TMEM232: variants seen among roughly 807,000 people sequenced by gnomAD.
TMEM232 encodes the protein transmembrane protein 232.
Under a neutral mutation model 78.8 loss-of-function variants are expected in TMEM232, and 80 were observed. The observed-to-expected ratio is 1.01, with a 90% confidence interval of 0.85 to 1.22. The LOEUF (loss-of-function observed/expected upper bound fraction) is 1.22, where lower values mean the gene tolerates loss of function less well. TMEM232 is among the 50% of genes most tolerant of loss of function. The pLI is 0.00. For synonymous variants in TMEM232, 297 were observed against 254.3 expected (o/e 1.17, Z -1.60); for missense variants, 881 against 742.2 (o/e 1.19, Z -2.17).
intron 4 of TMEM232, among the ~76,000 whole-genome samples, chr5:110,388,288 G>GA (rs1444750594): frequency 8.6e-4 from 131 of 152,214 alleles, no homozygotes; most frequent in Non-Finnish European, 1.2e-3. Flanking sequence ...CACTTGGCCA[G>GA]CACCATCTTG....
intron 12 of TMEM232, among the ~76,000 whole-genome samples, chr5:110,471,181 G>C (rs942688504): frequency 1.3e-5 from 2 of 152,052 alleles, no homozygotes; most frequent in African/African-American, 4.8e-5. Flanking sequence ...TTGAAGACTG[G>C]TCATTTGAAA....
At chr5:110,551,161 ATG>A (rs1196107539) in intron 11 of TMEM232, among the ~76,000 whole-genome samples, 1 of 152,218 alleles carries the variant, frequency 6.6e-6, no homozygotes, top group South Asian at 2.1e-4. Context: ...ACTCAGTGAA[ATG>A]TGTTTTTCAA....
At chr5:110,589,904 T>C (rs1191742316) in intron 10 of TMEM232, among the ~76,000 whole-genome samples, 2 of 152,150 alleles carry the variant, frequency 1.3e-5, no homozygotes, top group African/African-American at 4.8e-5. Context: ...TCCCTCATAG[T>C]TTTTCAGCTC....
intron 2 of TMEM232, among the ~76,000 whole-genome samples, chr5:110,654,479 T>G (rs1157567754): frequency 6.6e-6 from 1 of 152,210 alleles, no homozygotes; most frequent in African/African-American, 2.4e-5. Flanking sequence ...GTGCTATTTC[T>G]GAGGGCTCTG....
At chr5:110,738,286 C>A, upstream of TMEM232, 2 of 1,264,956 alleles carry the variant, frequency 1.6e-6, no homozygotes, top group African/African-American at 1.5e-5. Flanking sequence ...CTCAGTTATT[C>A]AATTAGAGGT....
intron 1 of TMEM232, among the ~76,000 whole-genome samples, chr5:110,713,726 AG>A (rs553014614): frequency 9.7e-4 from 148 of 152,172 alleles, no homozygotes; most frequent in African/African-American, 3.4e-3. Flanking sequence ...GAAAAAAGAC[AG>A]CTTTATCTTC....
intron 11 of TMEM232, among the ~76,000 whole-genome samples, chr5:110,564,755 G>A (rs1194837413): frequency 6.6e-6 from 1 of 151,954 alleles, no homozygotes; most frequent in Non-Finnish European, 1.5e-5. Flanking sequence ...TCTTCAGGTT[G>A]CTTAGTCAGG....
At chr5:110,451,741 A>G (rs1760305207) in intron 12 of TMEM232, among the ~76,000 whole-genome samples, 1 of 152,114 alleles carries the variant, frequency 6.6e-6, no homozygotes, top group South Asian at 2.1e-4. Context: ...AAAAACTCTT[A>G]TAGCCCTTTA....
chr5:110,416,871 C>CTATT (rs1429027210), downstream of TMEM232, among the ~76,000 whole-genome samples: 1 of 152,140 alleles, frequency 6.6e-6, no homozygotes, highest in Admixed American at 6.5e-5. Flanking sequence ...CCTTAAATGT[C>CTATT]TATTTGGTAT....
intron 2 of TMEM232, among the ~76,000 whole-genome samples, chr5:110,665,912 A>AC (rs1580576912): frequency 6.7e-6 from 1 of 149,080 alleles, no homozygotes; most frequent in East Asian, 2.0e-4. Context: ...AAAAAAAAAA[A>AC]CTAAAAATTA....
Position 110,460,564 on chromosome 5 carries a change from C to T in TMEM232, c.1704-35648G>A, listed in dbSNP as rs114046475. Among the ~76,000 whole-genome samples, 492 of 151,974 alleles carry T rather than the reference C, an allele frequency of 3.2e-3. 3 individuals carry two copies. The highest frequency in any genetic ancestry group is 0.011 in the African/African-American group (454 of 41,452). ...CAATTTTGGGACACTAAAAATATTGCCTTTAAGTATAATTTGCCACTTCAA... is the reference window on the plus strand; with the variant it reads ...CAATTTTGGGACACTAAAAATATTGTCTTTAAGTATAATTTGCCACTTCAA... On this transcript the variant is annotated intron_variant, in intron 12 of 13. Coordinates refer to ENST00000455884, the MANE Select transcript of TMEM232 (RefSeq NM_001039763.4).
chr5:110,737,653 T>C (rs1025133581), intron 1 of TMEM232, among the ~76,000 whole-genome samples: 2 of 152,228 alleles, frequency 1.3e-5, no homozygotes, highest in African/African-American at 2.4e-5. Context: ...CTTCCTTTTT[T>C]TGTATGAATT....
At chr5:110,695,743 C>T (rs188712347) in intron 1 of TMEM232, among the ~76,000 whole-genome samples, 9 of 152,282 alleles carry the variant, frequency 5.9e-5, no homozygotes, top group African/African-American at 2.2e-4. Flanking sequence ...CCTCCAAAAA[C>T]TAAACCAGCA....
intron 8 of TMEM232, 84 bp from the exon 9 acceptor site, chr5:110,606,371 G>A: frequency 7.5e-7 from 1 of 1,334,716 alleles, no homozygotes; most frequent in Non-Finnish European, 1.0e-6. Context: ...AAATGAAATA[G>A]GTCAGAGGAA....
At chr5:110,532,324 C>T (rs1771631933) in intron 11 of TMEM232, among the ~76,000 whole-genome samples, 2 of 151,558 alleles carry the variant, frequency 1.3e-5, no homozygotes, top group South Asian at 2.1e-4. Flanking sequence ...CTGACGCTGC[C>T]CGATCGCCTC....
intron 12 of TMEM232, among the ~76,000 whole-genome samples, chr5:110,486,163 G>C (rs540022925): frequency 2.6e-5 from 4 of 151,366 alleles, no homozygotes; most frequent in African/African-American, 9.7e-5. Flanking sequence ...ACTTTTTAAC[G>C]GGAGGTTTTT....
At chr5:110,606,358 A>C in intron 8 of TMEM232, 71 bp from the exon 9 acceptor site, 1 of 1,397,586 alleles carries the variant, frequency 7.2e-7, no homozygotes, top group Non-Finnish European at 9.5e-7. Flanking sequence ...TTTTAATGTG[A>C]AAAAATGAAA....
chr5:110,456,882 A>G (rs369777312), intron 12 of TMEM232, among the ~76,000 whole-genome samples: 90 of 152,274 alleles, frequency 5.9e-4, no homozygotes, highest in Middle Eastern at 6.8e-3. Context: ...AGTAACTAAA[A>G]CTAGATCATA....
chr5:110,502,469 A>T (rs1766374395), intron 12 of TMEM232, among the ~76,000 whole-genome samples: 2 of 152,196 alleles, frequency 1.3e-5, no homozygotes, highest in South Asian at 4.1e-4. Flanking sequence ...AAGGGGAAAT[A>T]AAAGGAATAA....
Sources: gnomAD v4.1 joint callset for allele counts (sites outside exome capture counted in the v4.1 genomes callset) on GRCh38, gnomAD v4.1.1 for gene constraint, MANE v1.5 for transcripts, NCBI Gene and HGNC (gene_info 2026-07-23, HGNC 2026-07-21) for gene names.